Variants in LRRIQ4 observed in about 807,000 individuals in gnomAD.
LRRIQ4 encodes leucine-rich repeat and IQ domain-containing protein 4.
Under a neutral mutation model 40.1 loss-of-function variants are expected in LRRIQ4, and 21 were observed. The ratio of observed to expected loss-of-function variants is 0.52; its 90% CI spans 0.37 to 0.75. LRRIQ4 has a LOEUF of 0.75. LRRIQ4 is among the 30% of genes least tolerant of loss of function. The probability of loss-of-function intolerance (pLI) is 0.00; values close to 1 mark genes in which losing one functional copy is unlikely to be tolerated. For synonymous variants in LRRIQ4, 277 were observed against 277.1 expected (o/e 1.00, Z 0.00); for missense variants, 655 against 660.0 (o/e 0.99, Z 0.08).
At chr3:169,821,561 G>T (rs1267041505) in intron 1 of LRRIQ4, among the ~76,000 whole-genome samples, 1 of 152,002 alleles carries the variant, frequency 6.6e-6, no homozygotes, top group Non-Finnish European at 1.5e-5. Flanking sequence ...AATCACTTGA[G>T]CCCAGGAGGC....
At chr3:169,829,473 T>A (rs1013924859) in intron 3 of LRRIQ4, among the ~76,000 whole-genome samples, 2 of 148,296 alleles carry the variant, frequency 1.3e-5, no homozygotes, top group Non-Finnish European at 3.0e-5. Flanking sequence ...CTTCATATAT[T>A]CATCCTTTAA....
chr3:169,831,343 G>A (rs1166199200), intron 4 of LRRIQ4, among the ~76,000 whole-genome samples: 3 of 127,762 alleles, frequency 2.3e-5, no homozygotes, highest in Non-Finnish European at 3.1e-5. Flanking sequence ...GCGTGATCTC[G>A]GCTCCCTGCA....
chr3:169,837,667 A>G lies in LRRIQ4; in HGVS notation c.*36A>G. On this transcript the variant is annotated 3_prime_UTR_variant, in exon 6 of 6. Transcript: ENST00000340806. The stretch of plus-strand genomic sequence containing the variant: ...TGATAAATTGGGGTAATGGACCTTG[A>G]TAGATTAAGAAGACAAAATATCTAG... 2.0e-6 allele frequency: 3 copies of G among 1,490,604 alleles called. No homozygotes were observed. The South Asian group carries it at 4.0e-5, about 20-fold the overall frequency. 92.3% of individuals were successfully genotyped at this position (1,490,604 alleles called of 1,614,324 possible).
intron 2 of LRRIQ4, among the ~76,000 whole-genome samples, chr3:169,827,571 C>G (rs923861047): frequency 2.2e-5 from 3 of 136,386 alleles, no homozygotes; most frequent in Non-Finnish European, 4.5e-5. Flanking sequence ...CGCGCCACTG[C>G]ACTCCAGCCT....
At position 169,837,479 on chromosome 3, in the gene LRRIQ4, A is replaced by T. The variant is rs1323858897; in HGVS notation, c.1531A>T (p.Ile511Phe). 6.2e-7 allele frequency: 1 copy of T among 1,602,074 alleles called. No homozygotes were observed. Among genetic ancestry groups the T allele is most frequent in the South Asian group, 1.2e-5 (1 of 86,724 alleles). The change falls in exon 6 of 6, where the codon ATT becomes TTT. Residue 511 changes from isoleucine to phenylalanine, a missense_variant and splice_region_variant. Transcript: ENST00000340806. ...GAATTTGGGTTTATCTTGTTTTCAG[A>T]TTCAGGCATGGTGGCGTGGAACAAT... ...NRNRNIMATK[I>F]QAWWRGTMVQ... is the part of the protein sequence containing the mutation.
chr3:169,821,739 T>C (rs1779895273), intron 1 of LRRIQ4, among the ~76,000 whole-genome samples, 152 bp from the exon 2 acceptor site: 1 of 152,206 alleles, frequency 6.6e-6, no homozygotes. Flanking sequence ...TTAATTCTTC[T>C]AACATGAAAT....
In LRRIQ4 at chr3:169,822,310, T is replaced by A; in HGVS notation, c.389T>A (p.Leu130Gln). 1 of 1,613,902 alleles carries A rather than the reference T, an allele frequency of 6.2e-7. No individual in the cohort carries two copies. Among genetic ancestry groups the A allele is most frequent in the Non-Finnish European group, 8.5e-7 (1 of 1,179,848 alleles). The change falls in exon 2 of 6, where the codon CTG (leucine) becomes CAG (glutamine). Residue 130 changes from leucine (L) to glutamine (Q), a missense_variant. Physicochemically the swap from Leu to Gln is moderately radical, Grantham distance 113 (BLOSUM62 -2). Coordinates refer to ENST00000340806, the MANE Select transcript of LRRIQ4 (RefSeq NM_001080460.3). Reference sequence around the variant, plus strand: ...GAGCTCCGGCTCTACCAGACCGACCTGAAGGAAATTCCCGTCGTCATCTTT... The same window carrying A: ...GAGCTCCGGCTCTACCAGACCGACCAGAAGGAAATTCCCGTCGTCATCTTT... Reference protein sequence around the residue: ...LRELRLYQTDLKEIPVVIFKN... With the variant: ...LRELRLYQTDQKEIPVVIFKN...
In LRRIQ4 at chr3:169,822,584, C is replaced by T; in HGVS notation, c.663C>T (p.Asn221=). 6.2e-7 allele frequency: 1 copy of T among 1,613,962 alleles called. No individual in the cohort carries two copies. Among genetic ancestry groups the T allele is most frequent in the Non-Finnish European group, 8.5e-7 (1 of 1,179,862 alleles). ...TGCAGAAGTTCTATATGGCTTCTAA[C>T]AACCTTCCCGTTCTGCCCGCGTCCT... is the stretch of plus-strand genomic sequence containing the variant. ...TGLQKFYMAS[N]NLPVLPASLC... is the part of the protein sequence containing the mutation. Residue 221 remains asparagine (N), a synonymous_variant, in exon 2 of 6, where the codon AAC becomes AAT. Transcript: ENST00000340806.
Position 169,812,967 on chromosome 3 carries a change from T to G in LRRIQ4, c.-111T>G. On this transcript the variant is annotated 5_prime_UTR_variant, in exon 1 of 6. Coordinates refer to ENST00000340806, the MANE Select transcript of LRRIQ4 (RefSeq NM_001080460.3). This position sits in a 1 kb window ranked among gnomAD's most constrained non-coding sequence, Gnocchi z 4.3. ...AAGGGCGGGGCCACCAGGGAGGGCT[T>G]CCTGAAGGAGGTGACATCTGGATGG... 1 of 169,242 alleles carries G rather than the reference T, an allele frequency of 5.9e-6. No homozygotes were observed. The allele number at this position is 169,242 out of a possible 1,614,324, so 10.5% of individuals were successfully genotyped here. A position where few individuals can be genotyped will look rare whatever the true frequency, so the allele number is the denominator to read the frequency against.
Position 169,822,810 on chromosome 3 carries a change from G to A in LRRIQ4, c.889G>A (p.Gly297Ser), listed in dbSNP as rs1204573945. ...AAACACCGGCCTGCACAGGCTGCGG[G>A]GCTCCTTCAGGTGCCTGGTCAACTT... ...LGNTGLHRLRGSFRCLVNLRF... is the reference protein window; with the variant it reads ...LGNTGLHRLRSSFRCLVNLRF... The change falls in exon 2 of 6, where the codon GGC (glycine) becomes AGC (serine). Residue 297 changes from glycine (G) to serine (S), a missense_variant. By Grantham distance (56) the Gly-to-Ser change is moderately conservative. Transcript: ENST00000340806. 1.9e-6 allele frequency: 3 copies of A among 1,613,684 alleles called. No homozygotes were observed. Among genetic ancestry groups the A allele is most frequent in the African/African-American group, 2.7e-5 (2 of 75,050 alleles).
At position 169,828,846 on chromosome 3, in the gene LRRIQ4, T is replaced by C; in HGVS notation, c.1108T>C (p.Ser370Pro). 6.2e-7 allele frequency: 1 copy of C among 1,613,932 alleles called. No homozygotes were observed. Among genetic ancestry groups the C allele is most frequent in the South Asian group, 1.1e-5 (1 of 91,058 alleles). Residue 370 changes from serine (S) to proline (P), a missense_variant, in exon 3 of 6, where the codon TCT (serine) becomes CCT (proline). Physicochemically the swap from Ser to Pro is moderately conservative, Grantham distance 74. Transcript: ENST00000340806. ...CCTTTCCTTTCCGGAGGAAGTCCTT[T>C]CTTTAGCGTCTTTAGAGAAATTATA... ...EFLSFPEEVL[S>P]LASLEKLYIG...
chr3:169,821,642 A>AAAAT (rs142263487), intron 1 of LRRIQ4, among the ~76,000 whole-genome samples: 157 of 152,130 alleles, frequency 1.0e-3, no homozygotes, highest in African/African-American at 1.7e-3. Flanking sequence ...CTCCGTCTCA[A>AAAAT]AAATAAATAA....
chr3:169,822,462 C>T lies in LRRIQ4; in HGVS notation c.541C>T (p.Pro181Ser), dbSNP rs745760417. Residue 181 changes from proline to serine, a missense_variant, in exon 2 of 6, where the codon CCC becomes TCC. Coordinates refer to ENST00000340806, the MANE Select transcript of LRRIQ4 (RefSeq NM_001080460.3). ...GAAGCGAAACCAGTTTGAAGTTTTC[C>T]CCCAGGAGCTCTGTGTTCTCTACAC... Reference protein sequence around the residue: ...YLKRNQFEVFPQELCVLYTLE... With the variant: ...YLKRNQFEVFSQELCVLYTLE... 4 of 1,613,866 alleles carry T rather than the reference C, an allele frequency of 2.5e-6. No homozygotes were observed. The East Asian group carries it at 8.9e-5, about 36-fold the overall frequency.
At chr3:169,814,721 G>A (rs1779728571) in intron 1 of LRRIQ4, among the ~76,000 whole-genome samples, 1 of 152,172 alleles carries the variant, frequency 6.6e-6, no homozygotes, top group African/African-American at 2.4e-5. Context: ...CTGACCTCAA[G>A]TGATCTACCT....
At chr3:169,827,661 T>TC (rs1307721476) in intron 2 of LRRIQ4, among the ~76,000 whole-genome samples, 1 of 146,546 alleles carries the variant, frequency 6.8e-6, no homozygotes, top group Non-Finnish European at 1.5e-5. Flanking sequence ...TCTCCCATGG[T>TC]CCAGAAAGAA....
chr3:169,834,129 A>G (rs960545202), intron 5 of LRRIQ4, among the ~76,000 whole-genome samples: 2 of 152,214 alleles, frequency 1.3e-5, no homozygotes, highest in African/African-American at 2.4e-5. Context: ...TGGGAGGCTG[A>G]GGCGGGTGGA....
intron 4 of LRRIQ4, among the ~76,000 whole-genome samples, chr3:169,832,392 C>T (rs1240845395): frequency 1.3e-4 from 19 of 151,212 alleles, no homozygotes; most frequent in South Asian, 4.2e-4. Context: ...CACTTGAACC[C>T]GGGAGGCGGA....
intron 3 of LRRIQ4, among the ~76,000 whole-genome samples, chr3:169,829,851 A>T (rs1780122835): frequency 1.3e-5 from 2 of 152,216 alleles, no homozygotes; most frequent in South Asian, 4.1e-4. Context: ...ACATAACCCC[A>T]GTCATGCAAT....
chr3:169,823,882 G>A (rs1779977814), intron 2 of LRRIQ4, among the ~76,000 whole-genome samples: 1 of 152,186 alleles, frequency 6.6e-6, no homozygotes, highest in East Asian at 1.9e-4. Context: ...GTAGGGGAGT[G>A]GGCAAATAAA....
Sources: allele counts gnomAD v4.1 joint callset (sites outside exome capture counted in the v4.1 genomes callset), GRCh38; gene constraint gnomAD v4.1.1; non-coding constraint Gnocchi (gnomAD v3.1); transcripts MANE v1.5; gene names NCBI Gene and HGNC (gene_info 2026-07-23, HGNC 2026-07-21).